Variants in MPZL1 observed in about 807,000 individuals in gnomAD.
The protein encoded by MPZL1 is myelin protein zero like 1, also known as myelin protein zero-like protein 1.
In MPZL1, 16 loss-of-function variants were observed where a neutral mutation model predicts 29.3. That is an observed-to-expected ratio of 0.55 (90% CI 0.37 to 0.83). The LOEUF is 0.83. Among genes scored for constraint, MPZL1 ranks in the 40% least tolerant of loss-of-function variants. MPZL1 has a pLI of 0.00. For synonymous variants in MPZL1, 143 were observed against 132.0 expected (o/e 1.08, Z -0.57); for missense variants, 279 against 332.9 (o/e 0.84, Z 1.26).
chr1:167,762,200 A>G (rs1342651262), intron 1 of MPZL1, among the ~76,000 whole-genome samples: 1 of 152,134 alleles, frequency 6.6e-6, no homozygotes, highest in Non-Finnish European at 1.5e-5. Flanking sequence ...GCTGTCATCT[A>G]GTAGAGGCCA....
intron 1 of MPZL1, among the ~76,000 whole-genome samples, chr1:167,731,982 T>G (rs1033728659): frequency 2.0e-5 from 3 of 152,184 alleles, no homozygotes; most frequent in African/African-American, 7.2e-5. Flanking sequence ...GCTGCAAAAT[T>G]CAACCTGAAG....
chr1:167,784,218 A>ATCTC (rs1661547029), intron 5 of MPZL1, among the ~76,000 whole-genome samples: 1 of 152,244 alleles, frequency 6.6e-6, no homozygotes, highest in Non-Finnish European at 1.5e-5. Context: ...TGTAACTAAA[A>ATCTC]TAATAGGCCT....
Position 167,772,474 on chromosome 1 carries a change from A to G in MPZL1, c.458A>G (p.Tyr153Cys). Reference sequence around the variant, plus strand: ...GTCCAGCCTGGACACATTAGGCTCTATGTCGTAGAAAAAGGTACTTCCTTG... The same window carrying G: ...GTCCAGCCTGGACACATTAGGCTCTGTGTCGTAGAAAAAGGTACTTCCTTG... The part of the protein sequence containing the change: ...IVVQPGHIRL[Y>C]VVEKENLPVF... Residue 153 changes from tyrosine (Y) to cysteine (C), a missense_variant, in exon 3 of 6, where the codon TAT becomes TGT. Transcript: ENST00000359523. 5 of 1,613,258 alleles carry G rather than the reference A, an allele frequency of 3.1e-6. No individual in the cohort carries two copies. The highest frequency in any genetic ancestry group is 3.4e-6 in the Non-Finnish European group (4 of 1,179,586).
At chr1:167,753,519 A>G (rs368402332) in intron 1 of MPZL1, among the ~76,000 whole-genome samples, 2 of 152,186 alleles carry the variant, frequency 1.3e-5, no homozygotes, top group East Asian at 3.8e-4. Context: ...AAAAAAGGCG[A>G]AGTATTTCTT....
chr1:167,735,970 T>G (rs1660370353), intron 1 of MPZL1, among the ~76,000 whole-genome samples: 1 of 152,238 alleles, frequency 6.6e-6, no homozygotes, highest in Admixed American at 6.5e-5. Flanking sequence ...ACATCTCAAC[T>G]TGGTGCTATC....
intron 1 of MPZL1, among the ~76,000 whole-genome samples, chr1:167,730,422 G>A (rs987978716): frequency 1.3e-5 from 2 of 152,036 alleles, no homozygotes; most frequent in African/African-American, 4.8e-5. Flanking sequence ...GGGATTACAG[G>A]TGCCTGCCAC....
chr1:167,735,168 T>A (rs1477118787), intron 1 of MPZL1, among the ~76,000 whole-genome samples: 1 of 152,228 alleles, frequency 6.6e-6, no homozygotes, highest in Non-Finnish European at 1.5e-5. Context: ...CCATTGTCAT[T>A]AGGAGTAACC....
chr1:167,776,219 T>C (rs1661365067), intron 5 of MPZL1, 53 bp downstream of exon 5: 1 of 1,312,028 alleles, frequency 7.6e-7, no homozygotes, highest in Non-Finnish European at 1.1e-6. Context: ...AGCTTGGTGC[T>C]CTGTCACTTC....
chr1:167,778,542 A>T (rs1226472302), intron 5 of MPZL1, among the ~76,000 whole-genome samples: 3 of 151,702 alleles, frequency 2.0e-5, no homozygotes, highest in African/African-American at 7.3e-5. Context: ...GGATGGATGG[A>T]TGGATGGATG....
chr1:167,737,785 T>A (rs1393542666), intron 1 of MPZL1, among the ~76,000 whole-genome samples: 1 of 152,202 alleles, frequency 6.6e-6, no homozygotes, highest in Non-Finnish European at 1.5e-5. Flanking sequence ...TATGAGGATA[T>A]GGCCTAGAAA....
At chr1:167,757,622 CT>C (rs1296261213) in intron 1 of MPZL1, among the ~76,000 whole-genome samples, 2 of 152,086 alleles carry the variant, frequency 1.3e-5, no homozygotes, top group Non-Finnish European at 2.9e-5. Flanking sequence ...TTCCTCTCTT[CT>C]AGTATGTTTT....
At chr1:167,786,061 G>T (rs754883164) in intron 5 of MPZL1, among the ~76,000 whole-genome samples, 1 of 152,202 alleles carries the variant, frequency 6.6e-6, no homozygotes, top group Non-Finnish European at 1.5e-5. Flanking sequence ...CCAAAGTGCT[G>T]GGATTACAGG....
intron 1 of MPZL1, among the ~76,000 whole-genome samples, chr1:167,731,960 A>G (rs762707099): frequency 1.3e-5 from 2 of 152,216 alleles, no homozygotes. Flanking sequence ...TAAGTTTGAT[A>G]CAAATTCTTT....
intron 1 of MPZL1, among the ~76,000 whole-genome samples, chr1:167,761,565 T>G (rs1473148540): frequency 1.3e-5 from 2 of 152,104 alleles, no homozygotes; most frequent in African/African-American, 4.8e-5. Flanking sequence ...AGCAGCTCAG[T>G]CATTAGCTGG....
At chr1:167,732,979 T>C (rs1185818311) in intron 1 of MPZL1, among the ~76,000 whole-genome samples, 4 of 152,228 alleles carry the variant, frequency 2.6e-5, no homozygotes, top group Non-Finnish European at 5.9e-5. Context: ...ACTCAGCCTG[T>C]CTTTTATTCA....
intron 1 of MPZL1, among the ~76,000 whole-genome samples, chr1:167,743,206 C>T (rs903503378): frequency 1.3e-5 from 2 of 151,528 alleles, no homozygotes; most frequent in Non-Finnish European, 2.9e-5. Context: ...GCAGTATCAT[C>T]ATTTTCACTT....
chr1:167,765,625 A>G lies in MPZL1; in HGVS notation c.134A>G (p.Glu45Gly), dbSNP rs1300307683. The change falls in exon 2 of 6, where the codon GAA becomes GGA. Residue 45 changes from glutamate to glycine, a missense_variant. Transcript: ENST00000359523. ...GCCTTGGAAGTATATACGCCAAAAG[A>G]AATCTTCGTGGCAAATGGTACACAA... ...VSALEVYTPK[E>G]IFVANGTQGK... is the part of the protein sequence containing the mutation. 35 of 1,613,048 alleles carry G rather than the reference A, an allele frequency of 2.2e-5. No individual in the cohort carries two copies. Among genetic ancestry groups the G allele is most frequent in the Non-Finnish European group, 3.0e-5 (35 of 1,179,540 alleles).
chr1:167,734,936 C>T (rs1009885377), intron 1 of MPZL1, among the ~76,000 whole-genome samples: 1 of 152,182 alleles, frequency 6.6e-6, no homozygotes, highest in Non-Finnish European at 1.5e-5. Flanking sequence ...CAATCAATGC[C>T]CTCACTTTAG....
intron 1 of MPZL1, among the ~76,000 whole-genome samples, chr1:167,737,830 T>TTAAGATTTCTGGATCTTAAAGGCTC (rs1660406068): frequency 6.6e-6 from 1 of 152,226 alleles, no homozygotes; most frequent in Non-Finnish European, 1.5e-5. Flanking sequence ...TTAAAGAGAT[T>TTAAGATTTCTGGATCTTAAAGGCTC]TCCTGGATGG....
Sources: allele counts gnomAD v4.1 joint callset (sites outside exome capture counted in the v4.1 genomes callset), GRCh38; gene constraint gnomAD v4.1.1; transcripts MANE v1.5; gene names NCBI Gene and HGNC (gene_info 2026-07-23, HGNC 2026-07-21).